RASEF: variants seen among roughly 807,000 people sequenced by gnomAD.
The protein encoded by RASEF is ras and EF-hand domain-containing protein.
A neutral mutation model predicts 90.1 loss-of-function variants in RASEF; 68 were observed. The observed-to-expected ratio is 0.75, with a 90% CI of 0.62 to 0.92. The LOEUF (loss-of-function observed/expected upper bound fraction) is 0.92. Among genes scored for constraint, RASEF ranks in the 40% least tolerant of loss-of-function variants. The pLI is 0.00. For missense variants in RASEF, 949 were observed against 937.2 expected (o/e 1.01, Z -0.16); for synonymous variants, 331 against 345.2 (o/e 0.96, Z 0.46).
the RASEF span, among the ~76,000 whole-genome samples, chr9:83,134,745 C>G: frequency 3.3e-5 from 5 of 152,102 alleles, no homozygotes; most frequent in Non-Finnish European, 7.4e-5. Context: ...CCCAACAATT[C>G]CACTTCTAAG....
In RASEF at chr9:82,998,441, C is replaced by T. The variant is rs1828962086; in HGVS notation, c.1729G>A (p.Asp577Asn). ...ACAATGAGGGTTTTCATTTGGAAAT[C>T]AACTCCTGAAAAGGAATGTGAGAGT... ...RENISATLGV[D>N]FQMKTLIVDG... The change falls in exon 13 of 17, where the codon GAT (aspartate) becomes AAT (asparagine). Residue 577 changes from aspartate (D) to asparagine (N), a missense_variant. Asp to Asn is a conservative substitution (Grantham distance 23, BLOSUM62 1). This residue lies in a region of RASEF where 288 missense variants were observed against 328.4 expected (regional missense o/e 0.88). Transcript: ENST00000376447. 2 of 1,601,472 alleles carry T rather than the reference C, an allele frequency of 1.2e-6. No individual in the cohort carries two copies. The highest frequency in any genetic ancestry group is 1.1e-5 in the South Asian group (1 of 90,814).
At chr9:83,076,274 T>C in the RASEF span, among the ~76,000 whole-genome samples, 1 of 152,208 alleles carries the variant, frequency 6.6e-6, no homozygotes, top group East Asian at 1.9e-4. Context: ...CCAATACTTT[T>C]GAGTCTTAGA....
chr9:83,005,386 T>C, intron 8 of RASEF, 30 bp downstream of exon 8: 1 of 1,495,906 alleles, frequency 6.7e-7, no homozygotes, highest in Non-Finnish European at 9.3e-7. Context: ...CTAGAAAGAA[T>C]GAAATACATG....
chr9:83,185,704 T>C, the RASEF span, among the ~76,000 whole-genome samples: 11 of 152,216 alleles, frequency 7.2e-5, no homozygotes, highest in South Asian at 2.3e-3. Context: ...CCAGATGCAA[T>C]GCCTCTGAGG....
At chr9:83,057,967 T>C (rs1459735975) in intron 1 of RASEF, among the ~76,000 whole-genome samples, 3 of 150,498 alleles carry the variant, frequency 2.0e-5, no homozygotes, top group African/African-American at 4.9e-5. Flanking sequence ...AGAGCTGATT[T>C]ACCTCTCTCA....
At chr9:83,130,575 A>G in the RASEF span, among the ~76,000 whole-genome samples, 1 of 152,188 alleles carries the variant, frequency 6.6e-6, no homozygotes, top group South Asian at 2.1e-4. Context: ...CAGTATTGAA[A>G]CCATCTGACT....
At chr9:83,007,579 A>G in intron 6 of RASEF, 74 bp from the exon 7 acceptor site, 1 of 1,018,382 alleles carries the variant, frequency 9.8e-7, no homozygotes, top group Non-Finnish European at 1.5e-6. Context: ...ACCCTCCCAG[A>G]CCCTTTCCCA....
intron 7 of RASEF, 112 bp downstream of exon 7, chr9:83,007,325 C>G: frequency 1.2e-6 from 1 of 825,456 alleles, no homozygotes; most frequent in African/African-American, 1.7e-5. Context: ...ACCCACTGAC[C>G]TGCAAACCCA....
the RASEF span, among the ~76,000 whole-genome samples, chr9:83,151,284 G>A: frequency 6.6e-6 from 1 of 152,128 alleles, no homozygotes; most frequent in Non-Finnish European, 1.5e-5. Flanking sequence ...CAGCCCTTGG[G>A]ACACCACTGA....
the RASEF span, among the ~76,000 whole-genome samples, chr9:83,150,726 G>T: frequency 1.3e-5 from 2 of 152,070 alleles, no homozygotes; most frequent in African/African-American, 4.8e-5. Flanking sequence ...AACATATAAA[G>T]TCTCTGTGGT....
At chr9:83,159,825 A>G in the RASEF span, among the ~76,000 whole-genome samples, 30 of 152,108 alleles carry the variant, frequency 2.0e-4, no homozygotes, top group African/African-American at 7.2e-4. Context: ...CCTCGTTCCC[A>G]TGTATTGTGG....
chr9:83,094,047 T>C, the RASEF span, among the ~76,000 whole-genome samples: 1 of 152,208 alleles, frequency 6.6e-6, no homozygotes, highest in African/African-American at 2.4e-5. Flanking sequence ...TAAATCTCTA[T>C]TCAGAAGATA....
At chr9:83,107,821 C>T in the RASEF span, among the ~76,000 whole-genome samples, 1 of 152,144 alleles carries the variant, frequency 6.6e-6, no homozygotes, top group Non-Finnish European at 1.5e-5. Flanking sequence ...GCACTCCAAA[C>T]ACCAAAAGGA....
chr9:83,151,357 G>T, the RASEF span, among the ~76,000 whole-genome samples: 1 of 152,138 alleles, frequency 6.6e-6, no homozygotes, highest in Non-Finnish European at 1.5e-5. Flanking sequence ...AATTTAGGTG[G>T]TGGGACTTGG....
the RASEF span, among the ~76,000 whole-genome samples, chr9:83,126,426 T>C: frequency 1.3e-5 from 2 of 152,260 alleles, no homozygotes; most frequent in Non-Finnish European, 2.9e-5. Context: ...AGAAATAAGT[T>C]TTTGCTTTTC....
the RASEF span, among the ~76,000 whole-genome samples, chr9:83,216,450 C>T: frequency 6.6e-6 from 1 of 152,224 alleles, no homozygotes; most frequent in East Asian, 1.9e-4. Context: ...GCTGTGGCTT[C>T]AGAGGATGCA....
At chr9:83,091,994 C>CTTTTTTTTTTTTTTT in the RASEF span, among the ~76,000 whole-genome samples, 1 of 21,090 alleles carries the variant, frequency 4.7e-5, no homozygotes, top group East Asian at 1.9e-3. Flanking sequence ...TATTCTTTTT[C>CTTTTTTTTTTTTTTT]TTTTATTTCT....
intron 1 of RASEF, among the ~76,000 whole-genome samples, chr9:83,029,914 G>C (rs1001857154): frequency 1.3e-5 from 2 of 152,138 alleles, no homozygotes; most frequent in Admixed American, 6.5e-5. Flanking sequence ...TATTTATTAC[G>C]GGGCAGTGAA....
the RASEF span, among the ~76,000 whole-genome samples, chr9:83,151,958 C>T: frequency 6.6e-6 from 1 of 152,222 alleles, no homozygotes; most frequent in Middle Eastern, 3.4e-3. Context: ...AACACGGCGT[C>T]GCAAAACCAA....
Sources: gnomAD v4.1 joint callset for allele counts (sites outside exome capture counted in the v4.1 genomes callset) on GRCh38, gnomAD v4.1.1 for gene constraint, gnomAD v4.1.1 regional missense constraint, MANE v1.5 for transcripts, NCBI Gene and HGNC (gene_info 2026-07-23, HGNC 2026-07-21) for gene names.